Variants in HHAT observed in about 807,000 individuals in gnomAD.
The protein encoded by HHAT is protein-cysteine N-palmitoyltransferase HHAT.
Under a neutral mutation model 70.8 loss-of-function variants are expected in HHAT, and 47 were observed. The observed-to-expected ratio is 0.66, with a 90% CI of 0.53 to 0.85. The LOEUF (loss-of-function observed/expected upper bound fraction) is 0.85. Ranked by LOEUF, HHAT falls within the 40% of genes least tolerant of loss-of-function variation. The pLI, the probability that HHAT is intolerant of heterozygous loss-of-function variation, is 0.00. For missense variants in HHAT, 609 were observed against 604.8 expected (o/e 1.01, Z -0.07); for synonymous variants, 228 against 247.6 (o/e 0.92, Z 0.74).
chr1:210,329,518 T>C, intron 1 of HHAT: 1 of 990,168 alleles, frequency 1.0e-6, no homozygotes, highest in Non-Finnish European at 1.2e-6. Flanking sequence ...TCTTCAGGAC[T>C]CAGTTTTCTT....
At chr1:210,612,240 T>C (rs752969480) in intron 10 of HHAT, among the ~76,000 whole-genome samples, 1 of 152,180 alleles carries the variant, frequency 6.6e-6, no homozygotes, top group African/African-American at 2.4e-5. Flanking sequence ...AAAACATTCG[T>C]ATTGTTTTAC....
At chr1:210,403,244 A>G (rs2092164750) in intron 5 of HHAT, among the ~76,000 whole-genome samples, 1 of 152,228 alleles carries the variant, frequency 6.6e-6, no homozygotes, top group African/African-American at 2.4e-5. Flanking sequence ...GATACTTCCC[A>G]GAATGATTAG....
At position 210,470,258 on chromosome 1, in the gene HHAT, C is replaced by A. The variant is rs549451328; in HGVS notation, c.1007+5603C>A. ...GTGACAAAAGGTGAAAGACGGATTTCAAATTAGACGCATGGGAGTCCCCTG... is the reference window on the plus strand; with the variant it reads ...GTGACAAAAGGTGAAAGACGGATTTAAAATTAGACGCATGGGAGTCCCCTG... On this transcript the variant is annotated intron_variant, in intron 8 of 11. Transcript: ENST00000261458. Among the ~76,000 whole-genome samples, 54 of 152,258 alleles carry A rather than the reference C, an allele frequency of 3.5e-4. 1 individual carries two copies. Among genetic ancestry groups the A allele is most frequent in the African/African-American group, 1.1e-3 (45 of 41,576 alleles).
At chr1:210,400,132 C>T (rs1356564218) in intron 4 of HHAT, among the ~76,000 whole-genome samples, 1 of 152,046 alleles carries the variant, frequency 6.6e-6, no homozygotes, top group Non-Finnish European at 1.5e-5. Flanking sequence ...TGTCTTCTGG[C>T]TTCCATTGTG....
intron 9 of HHAT, among the ~76,000 whole-genome samples, chr1:210,551,169 G>T (rs2095524336): frequency 6.7e-6 from 1 of 148,834 alleles, no homozygotes; most frequent in Non-Finnish European, 1.5e-5. Flanking sequence ...TGAAGCCCAG[G>T]GTTCCTTGTA....
At chr1:210,482,472 TTAGA>T (rs1481704016) in intron 8 of HHAT, among the ~76,000 whole-genome samples, 11 of 152,354 alleles carry the variant, frequency 7.2e-5, no homozygotes, top group African/African-American at 2.4e-4. Flanking sequence ...GTGCCAGTAA[TTAGA>T]TAGAAGAATA....
At chr1:210,670,319 TC>T (rs934246200) in intron 11 of HHAT, among the ~76,000 whole-genome samples, 2 of 151,962 alleles carry the variant, frequency 1.3e-5, no homozygotes, top group African/African-American at 4.8e-5. Flanking sequence ...CAAGAGAGAG[TC>T]AATGCCTAGG....
intron 7 of HHAT, among the ~76,000 whole-genome samples, chr1:210,458,123 T>A (rs1423756188): frequency 6.6e-6 from 1 of 152,186 alleles, no homozygotes; most frequent in Non-Finnish European, 1.5e-5. Flanking sequence ...AAGATGCCAT[T>A]GATTTTGGAG....
intron 8 of HHAT, among the ~76,000 whole-genome samples, chr1:210,499,967 TGTAA>T (rs1280888758): frequency 1.3e-5 from 2 of 152,344 alleles, no homozygotes; most frequent in Admixed American, 6.5e-5. Flanking sequence ...TTTCAAAATT[TGTAA>T]GTATCATTTT....
intron 9 of HHAT, among the ~76,000 whole-genome samples, chr1:210,583,404 G>A (rs1341183598): frequency 6.6e-6 from 1 of 152,196 alleles, no homozygotes; most frequent in Non-Finnish European, 1.5e-5. Context: ...TGCTGAGAAG[G>A]TGGTGCTGAT....
rs150799638 is a variant in HHAT, at chr1:210,655,794, T to C, written c.1391-18494T>C. Among the ~76,000 whole-genome samples the C allele has an allele frequency of 4.5e-3, 681 of 152,352 alleles. 3 individuals carry two copies. The highest frequency in any genetic ancestry group is 0.015 in the African/African-American group (644 of 41,590). ...GCTAGAACACTGCCTTCTGCTCCAG[T>C]TACAGACAAATGCCCCTCCTCTCCC... On this transcript the variant is annotated intron_variant, in intron 11 of 11. Coordinates refer to ENST00000261458, the MANE Select transcript of HHAT (RefSeq NM_018194.6).
chr1:210,490,707 C>G (rs564599715), intron 8 of HHAT, among the ~76,000 whole-genome samples: 65 of 152,240 alleles, frequency 4.3e-4, no homozygotes, highest in Admixed American at 3.2e-3. Flanking sequence ...TGGCATCACA[C>G]CAGAACTTGA....
At chr1:210,346,733 A>C (rs180800698) in intron 1 of HHAT, among the ~76,000 whole-genome samples, 109 of 152,326 alleles carry the variant, frequency 7.2e-4, no homozygotes, top group African/African-American at 2.3e-3. Flanking sequence ...TCTGTCTCCC[A>C]GTGGTCTGAA....
At chr1:210,503,578 A>AT (rs1230821384) in intron 8 of HHAT, among the ~76,000 whole-genome samples, 1 of 152,160 alleles carries the variant, frequency 6.6e-6, no homozygotes, top group Non-Finnish European at 1.5e-5. Flanking sequence ...TTTCCCCCAA[A>AT]TGAACAAACA....
At chr1:210,436,654 C>T (rs150773210) in intron 7 of HHAT, among the ~76,000 whole-genome samples, 426 of 151,780 alleles carry the variant, frequency 2.8e-3, no homozygotes, top group Non-Finnish European at 4.5e-3. Context: ...TTTGATTCTT[C>T]ACAGGTCTAA....
At chr1:210,473,844 G>A (rs1022189579) in intron 8 of HHAT, among the ~76,000 whole-genome samples, 11 of 152,012 alleles carry the variant, frequency 7.2e-5, no homozygotes, top group Non-Finnish European at 1.0e-4. Context: ...CAAGCTTCTG[G>A]GTCTGCTAGC....
At chr1:210,522,363 G>A (rs2095171295) in intron 9 of HHAT, among the ~76,000 whole-genome samples, 1 of 152,174 alleles carries the variant, frequency 6.6e-6, no homozygotes, top group East Asian at 1.9e-4. Context: ...AAGAAGCTAA[G>A]GATCTGTGTG....
intron 1 of HHAT, among the ~76,000 whole-genome samples, chr1:210,339,406 C>T (rs1247892904): frequency 7.5e-6 from 1 of 133,404 alleles, no homozygotes; most frequent in Non-Finnish European, 1.6e-5. Context: ...GCTGCTCCTC[C>T]CATAAAGAAG....
At position 210,334,178 on chromosome 1, in the gene HHAT, A is replaced by ATTTTTTTTTT. The variant is rs3033354; in HGVS notation, c.-44+5085_-44+5094dup. On this transcript the variant is annotated intron_variant, in intron 1 of 11. Coordinates refer to ENST00000261458, the MANE Select transcript of HHAT (RefSeq NM_018194.6). ...TACTTGCTGGCCACTTTAGCGTGTCATTTTTTTTTTTTTTTTTTTTGAGAA... is the reference window on the plus strand; with the variant it reads ...TACTTGCTGGCCACTTTAGCGTGTCATTTTTTTTTTTTTTTTTTTTTTTTTTTTTTGAGAA... Among the ~76,000 whole-genome samples, 305 of 99,940 alleles carry ATTTTTTTTTT rather than the reference A, an allele frequency of 3.1e-3. 62 individuals are homozygous for ATTTTTTTTTT. The highest frequency in any genetic ancestry group is 4.5e-3 in the Admixed American group (33 of 7,274). The allele number at this position is 99,940 out of a possible 152,430, so 65.6% of individuals were successfully genotyped here.
Sources: allele counts gnomAD v4.1 joint callset (sites outside exome capture counted in the v4.1 genomes callset), GRCh38; gene constraint gnomAD v4.1.1; transcripts MANE v1.5; gene names NCBI Gene and HGNC (gene_info 2026-07-23, HGNC 2026-07-21).